Variants in PTPRT observed in about 807,000 individuals in gnomAD.
PTPRT encodes protein tyrosine phosphatase receptor type T.
Under a neutral mutation model 176.8 loss-of-function variants are expected in PTPRT, and 56 were observed. The observed-to-expected ratio is 0.32, with a 90% CI of 0.26 to 0.40. PTPRT has a LOEUF of 0.40. PTPRT is among the 10% of genes least tolerant of loss of function. PTPRT has a pLI of 1.00. For synonymous variants in PTPRT, 783 were observed against 739.0 expected (o/e 1.06, Z -0.96); for missense variants, 1,540 against 1,908.2 (o/e 0.81, Z 3.60).
chr20:42,293,741 T>G (rs1207234824), intron 12 of PTPRT, among the ~76,000 whole-genome samples: 5 of 152,156 alleles, frequency 3.3e-5, no homozygotes, highest in African/African-American at 1.2e-4. Flanking sequence ...TTATTTTCAC[T>G]CCAAGCCTTA....
At chr20:42,793,257 C>T (rs1324347176) in intron 2 of PTPRT, among the ~76,000 whole-genome samples, 2 of 152,050 alleles carry the variant, frequency 1.3e-5, no homozygotes, top group South Asian at 2.1e-4. Flanking sequence ...TGGCAGAGTC[C>T]GGGCTTTTAG....
intron 12 of PTPRT, among the ~76,000 whole-genome samples, chr20:42,283,229 C>T (rs1390243215): frequency 6.6e-6 from 1 of 152,074 alleles, no homozygotes; most frequent in Admixed American, 6.6e-5. Flanking sequence ...GAATTCTCTG[C>T]CCGCTTTACT....
chr20:42,576,519 T>G (rs1026159810), intron 7 of PTPRT, among the ~76,000 whole-genome samples: 5 of 152,076 alleles, frequency 3.3e-5, no homozygotes, highest in Admixed American at 6.5e-5. Flanking sequence ...TGGCCATCCT[T>G]CCCCAGAGGC....
chr20:43,122,623 G>T (rs2013303380), intron 1 of PTPRT, among the ~76,000 whole-genome samples: 2 of 152,146 alleles, frequency 1.3e-5, no homozygotes, highest in African/African-American at 4.8e-5. Context: ...CCAAGATCTG[G>T]TTGTTTTAAA....
At chr20:42,302,939 G>A (rs967070918) in intron 12 of PTPRT, among the ~76,000 whole-genome samples, 5 of 152,112 alleles carry the variant, frequency 3.3e-5, no homozygotes, top group Admixed American at 1.3e-4. Flanking sequence ...AAGAGAACTG[G>A]ACAATCAATA....
intron 1 of PTPRT, among the ~76,000 whole-genome samples, chr20:42,948,300 G>T (rs1170816426): frequency 1.3e-5 from 2 of 152,086 alleles, no homozygotes; most frequent in Non-Finnish European, 2.9e-5. Context: ...TGTTTGAGCT[G>T]CCCTACACCT....
chr20:42,093,083 C>T (rs3091722), intron 27 of PTPRT, among the ~76,000 whole-genome samples: 41,541 of 152,014 alleles, frequency 0.27, 5,980 homozygotes, highest in East Asian at 0.43. Flanking sequence ...GGTGGGGCCA[C>T]GATTCTGGCT....
chr20:42,491,756 A>T (rs1447526771), intron 7 of PTPRT, among the ~76,000 whole-genome samples: 1 of 152,184 alleles, frequency 6.6e-6, no homozygotes, highest in Non-Finnish European at 1.5e-5. Flanking sequence ...TTATTTCTAA[A>T]TCACCTATTC....
At chr20:42,871,463 A>G (rs1343964834) in intron 2 of PTPRT, among the ~76,000 whole-genome samples, 9 of 152,088 alleles carry the variant, frequency 5.9e-5, no homozygotes, top group Non-Finnish European at 1.2e-4. Flanking sequence ...TCCCTTTGAA[A>G]CACATTAGTT....
At chr20:42,575,789 G>A (rs1238027590) in intron 7 of PTPRT, among the ~76,000 whole-genome samples, 1 of 152,004 alleles carries the variant, frequency 6.6e-6, no homozygotes, top group Non-Finnish European at 1.5e-5. Flanking sequence ...AAGATCTCCT[G>A]AACCTGCCCA....
chr20:43,168,704 A>T (rs1291683849), intron 1 of PTPRT, among the ~76,000 whole-genome samples: 1 of 152,094 alleles, frequency 6.6e-6, no homozygotes, highest in African/African-American at 2.4e-5. Flanking sequence ...GCCCTGCCCC[A>T]CAACTGTCCT....
chr20:42,769,830 T>C (rs114924810), intron 5 of PTPRT, among the ~76,000 whole-genome samples: 3,036 of 152,264 alleles, frequency 0.02, 90 homozygotes, highest in African/African-American at 0.07. Context: ...ACAACATAAG[T>C]AATCCTTAGA....
At chr20:42,683,042 T>C (rs1373455070) in intron 6 of PTPRT, among the ~76,000 whole-genome samples, 1 of 152,166 alleles carries the variant, frequency 6.6e-6, no homozygotes, top group Non-Finnish European at 1.5e-5. Flanking sequence ...GAGTGTAACC[T>C]AGCCTCCAAC....
chr20:42,479,495 A>T (rs1289291563), intron 7 of PTPRT, among the ~76,000 whole-genome samples: 1 of 152,210 alleles, frequency 6.6e-6, no homozygotes, highest in Admixed American at 6.5e-5. Context: ...TTCTGCATGG[A>T]AATGATACAC....
chr20:42,321,155 T>C (rs771166378), intron 11 of PTPRT, among the ~76,000 whole-genome samples: 2 of 152,170 alleles, frequency 1.3e-5, no homozygotes, highest in Non-Finnish European at 2.9e-5. Flanking sequence ...TCACCAATCA[T>C]AGTGGCTTCT....
At chr20:43,089,770 C>T (rs2011749809) in intron 1 of PTPRT, among the ~76,000 whole-genome samples, 1 of 152,134 alleles carries the variant, frequency 6.6e-6, no homozygotes, top group Non-Finnish European at 1.5e-5. Flanking sequence ...GCTGGCCTCC[C>T]CCAGTCTACT....
At chr20:42,126,235 C>A (rs1201186275) in intron 19 of PTPRT, among the ~76,000 whole-genome samples, 1 of 152,132 alleles carries the variant, frequency 6.6e-6, no homozygotes, top group Non-Finnish European at 1.5e-5. Flanking sequence ...ACTTGAGCCA[C>A]CCATCATAGG....
intron 1 of PTPRT, among the ~76,000 whole-genome samples, chr20:43,160,506 AT>A (rs2014663483): frequency 1.3e-5 from 2 of 152,006 alleles, no homozygotes; most frequent in African/African-American, 2.4e-5. Context: ...CATCTTGTTG[AT>A]TTTTCTTGGC....
chr20:42,066,362 A>G, the PTPRT span, among the ~76,000 whole-genome samples: 1 of 152,134 alleles, frequency 6.6e-6, no homozygotes, highest in African/African-American at 2.4e-5. Flanking sequence ...TTTTTAAAAG[A>G]CTATGGGGGT....
Sources: allele counts gnomAD v4.1 joint callset (sites outside exome capture counted in the v4.1 genomes callset), GRCh38; gene constraint gnomAD v4.1.1; transcripts MANE v1.5; gene names NCBI Gene and HGNC (gene_info 2026-07-23, HGNC 2026-07-21).